ANO4: variants seen among roughly 807,000 people sequenced by gnomAD.
ANO4 encodes the protein anoctamin-4.
In ANO4, 69 loss-of-function variants were observed where a neutral mutation model predicts 141.9. The ratio of observed to expected loss-of-function variants is 0.49; its 90% CI spans 0.40 to 0.59. The LOEUF is 0.59. Among genes scored for constraint, ANO4 ranks in the 20% least tolerant of loss-of-function variants. The probability of loss-of-function intolerance (pLI) is 0.00; values close to 1 mark genes in which losing one functional copy is unlikely to be tolerated. For missense variants in ANO4, 894 were observed against 1,162.2 expected, an observed-to-expected ratio of 0.77 and a Z score of 3.36; for synonymous variants, 350 against 394.3, an observed-to-expected ratio of 0.89 and a Z score of 1.33.
Position 100,953,987 on chromosome 12 carries a change from T to A in ANO4, c.456+11452T>A, listed in dbSNP as rs116826976. 4.8e-3 allele frequency among the ~76,000 whole-genome samples: 732 copies of A among 152,206 alleles called. 5 individuals carry two copies. The highest frequency in any genetic ancestry group is 0.017 in the African/African-American group (696 of 41,530). Reference sequence around the variant, plus strand: ...AAAAAAGTCAAGTGCACGAGCAGTGTTGGGATTTTGGAGAGGCCCGACCTA... The same window carrying A: ...AAAAAAGTCAAGTGCACGAGCAGTGATGGGATTTTGGAGAGGCCCGACCTA... On this transcript the variant is annotated intron_variant, in intron 5 of 27. Coordinates refer to ENST00000392977, the MANE Select transcript of ANO4 (RefSeq NM_001286615.2).
Position 100,895,809 on chromosome 12 carries a change from G to A in ANO4, c.-140-5837G>A, listed in dbSNP as rs191919343. Among the ~76,000 whole-genome samples the A allele has an allele frequency of 7.4e-4, 112 of 152,002 alleles. 1 individual carries two copies. In the East Asian group the frequency reaches 0.016, roughly 22 times the overall value. On this transcript the variant is annotated intron_variant, in intron 1 of 27. Transcript: ENST00000392977. ...ACTCCTGACCTCAGATGATCCACCC[G>A]CCTTGGCCTCCCAAAGTGCTGGGAT...
At chr12:101,029,314 C>T (rs548563966) in intron 9 of ANO4, among the ~76,000 whole-genome samples, 5 of 152,096 alleles carry the variant, frequency 3.3e-5, no homozygotes, top group Admixed American at 6.5e-5. Context: ...ATGACAGGAT[C>T]GAATTCACAC....
chr12:100,889,553 AC>A (rs1446675746), intron 1 of ANO4, among the ~76,000 whole-genome samples: 83 of 152,338 alleles, frequency 5.4e-4, no homozygotes, highest in African/African-American at 1.7e-3. Context: ...CAAGAAAAAA[AC>A]AACCCCCTCG....
chr12:100,984,694 G>C (rs1432899214), intron 7 of ANO4, among the ~76,000 whole-genome samples: 1 of 152,156 alleles, frequency 6.6e-6, no homozygotes, highest in East Asian at 1.9e-4. Context: ...AGGCGCAAGA[G>C]AGCCACCCCA....
chr12:101,094,294 T>G lies in ANO4; in HGVS notation c.1738+2T>G. ...TTGCCCTGCTTCTGACGAATTTAGG[T>G]GAGTGGAATCCTTTCTATTTCATAG... On this transcript the variant is annotated splice_donor_variant, in intron 18 of 27. Coordinates refer to ENST00000392977, the MANE Select transcript of ANO4 (RefSeq NM_001286615.2). LOFTEE classifies it high-confidence loss of function. The G allele has an allele frequency of 6.2e-7, 1 of 1,608,286 alleles. No individual in the cohort carries two copies. Among genetic ancestry groups the G allele is most frequent in the Non-Finnish European group, 8.5e-7 (1 of 1,175,024 alleles).
intron 1 of ANO4, among the ~76,000 whole-genome samples, chr12:100,872,019 A>G (rs10507123): frequency 0.031 from 4,702 of 152,298 alleles, 242 homozygotes; most frequent in East Asian, 0.22. Context: ...GCATTTATAT[A>G]TGATTGCCAC....
At chr12:100,870,646 A>G (rs1290738909) in intron 1 of ANO4, among the ~76,000 whole-genome samples, 1 of 152,068 alleles carries the variant, frequency 6.6e-6, no homozygotes, top group Non-Finnish European at 1.5e-5. Flanking sequence ...TTAAATTTTA[A>G]TTGGGGTTTG....
chr12:100,807,962 T>A (rs1220279065), intron 1 of ANO4, among the ~76,000 whole-genome samples: 1 of 152,232 alleles, frequency 6.6e-6, no homozygotes, highest in Non-Finnish European at 1.5e-5. Context: ...AGCCAGTCTG[T>A]CATTGATAAG....
At chr12:100,898,528 T>C (rs2040446731) in intron 1 of ANO4, among the ~76,000 whole-genome samples, 1 of 152,200 alleles carries the variant, frequency 6.6e-6, no homozygotes, top group Non-Finnish European at 1.5e-5. Flanking sequence ...TCCTCATACC[T>C]ATCTTCTCCT....
At chr12:100,717,986 G>T (rs1365885121) in intron 1 of ANO4, among the ~76,000 whole-genome samples, 31 of 152,142 alleles carry the variant, frequency 2.0e-4, no homozygotes, top group Admixed American at 2.0e-3. Flanking sequence ...AAATCAGAGA[G>T]ATGAGAACAT....
intron 3 of ANO4, among the ~76,000 whole-genome samples, chr12:100,749,230 G>C (rs1295380387): frequency 6.6e-6 from 1 of 152,148 alleles, no homozygotes; most frequent in Non-Finnish European, 1.5e-5. Context: ...GGGTGGCTGG[G>C]TTCTCTGGGG....
At chr12:100,869,307 C>T (rs2038916608) in intron 1 of ANO4, among the ~76,000 whole-genome samples, 1 of 152,164 alleles carries the variant, frequency 6.6e-6, no homozygotes, top group African/African-American at 2.4e-5. Context: ...TAGGCTGTCT[C>T]ATATTTCTCC....
chr12:101,083,951 C>T (rs1056023348), intron 16 of ANO4, 133 bp downstream of exon 16: 1 of 851,520 alleles, frequency 1.2e-6, no homozygotes, highest in African/African-American at 1.8e-5. Context: ...ACAGTAACTT[C>T]GTCTGGTGGT....
At chr12:100,966,799 A>G (rs2043674819) in intron 5 of ANO4, among the ~76,000 whole-genome samples, 1 of 149,576 alleles carries the variant, frequency 6.7e-6, no homozygotes, top group African/African-American at 2.5e-5. Flanking sequence ...ACACATGTAT[A>G]TATATACACA....
intron 14 of ANO4, among the ~76,000 whole-genome samples, chr12:101,063,144 C>T (rs1180078488): frequency 6.6e-6 from 1 of 152,176 alleles, no homozygotes; most frequent in Non-Finnish European, 1.5e-5. Flanking sequence ...GGAGGGAGTT[C>T]CCCGACCCCT....
intron 1 of ANO4, among the ~76,000 whole-genome samples, chr12:100,876,061 T>G (rs1426343713): frequency 1.3e-5 from 2 of 152,190 alleles, no homozygotes; most frequent in African/African-American, 4.8e-5. Context: ...CCATACTTGA[T>G]GTAATGGTTT....
intron 1 of ANO4, among the ~76,000 whole-genome samples, chr12:100,830,662 T>C (rs115399794): frequency 5.5e-4 from 84 of 152,168 alleles, no homozygotes; most frequent in African/African-American, 1.9e-3. Flanking sequence ...TCTCTGTTGG[T>C]TCTTATGTCA....
chr12:100,961,893 C>T (rs2043441565), intron 5 of ANO4, among the ~76,000 whole-genome samples: 1 of 152,124 alleles, frequency 6.6e-6, no homozygotes, highest in Non-Finnish European at 1.5e-5. Context: ...TAACTTAGCC[C>T]ATCCTGACTG....
At chr12:101,022,742 CTCTT>C (rs1566138999) in intron 9 of ANO4, among the ~76,000 whole-genome samples, 1 of 152,088 alleles carries the variant, frequency 6.6e-6, no homozygotes, top group Non-Finnish European at 1.5e-5. Context: ...CAACTTATGA[CTCTT>C]TTTTTTTTGT....
Sources: allele counts gnomAD v4.1 joint callset (sites outside exome capture counted in the v4.1 genomes callset), GRCh38; gene constraint gnomAD v4.1.1; transcripts MANE v1.5; gene names NCBI Gene and HGNC (gene_info 2026-07-23, HGNC 2026-07-21).